Variants in CALCRL observed in about 807,000 individuals in gnomAD.
CALCRL encodes calcitonin receptor like receptor.
CALCRL carries 27 observed loss-of-function variants against 60.4 expected under a neutral mutation model. That is an observed-to-expected ratio of 0.45 (90% CI 0.33 to 0.62). CALCRL has a LOEUF of 0.62. Among genes scored for constraint, CALCRL ranks in the 20% least tolerant of loss-of-function variants. The probability of loss-of-function intolerance (pLI) is 0.03; values close to 1 mark genes in which losing one functional copy is unlikely to be tolerated. For missense variants in CALCRL, 424 were observed against 540.7 expected (o/e 0.78, Z 2.14); for synonymous variants, 190 against 182.6 (o/e 1.04, Z -0.33).
At chr2:187,360,842 T>C (rs1574222338) in intron 9 of CALCRL, 91 bp from the exon 10 acceptor site, 1 of 1,180,302 alleles carries the variant, frequency 8.5e-7, no homozygotes, top group East Asian at 2.5e-5. Context: ...CATGGAACAT[T>C]CTCCCCTACA....
chr2:187,353,502 G>A (rs1379697283), intron 12 of CALCRL, among the ~76,000 whole-genome samples: 3 of 151,872 alleles, frequency 2.0e-5, no homozygotes, highest in Non-Finnish European at 2.9e-5. Context: ...AAATAACTGG[G>A]CACAAAAATA....
At chr2:187,355,059 T>A (rs552575445) in intron 12 of CALCRL, among the ~76,000 whole-genome samples, 4 of 152,220 alleles carry the variant, frequency 2.6e-5, no homozygotes, top group East Asian at 3.9e-4. Flanking sequence ...AGGCATTTTT[T>A]CAAGAATTTA....
At chr2:187,363,327 C>G (rs748453643) in intron 9 of CALCRL, 49 bp downstream of exon 9, 164 of 1,560,428 alleles carry the variant, frequency 1.1e-4, no homozygotes, top group Non-Finnish European at 1.3e-4. Flanking sequence ...CCATGTTCCC[C>G]CTTTCCCATT....
intron 1 of CALCRL, among the ~76,000 whole-genome samples, chr2:187,423,435 G>A (rs1399812131): frequency 2.6e-5 from 4 of 151,388 alleles, no homozygotes; most frequent in African/African-American, 7.3e-5. Flanking sequence ...TGTAGAATCT[G>A]AGATGTTATA....
chr2:187,416,182 T>C (rs904998198), intron 1 of CALCRL, among the ~76,000 whole-genome samples: 1 of 152,234 alleles, frequency 6.6e-6, no homozygotes, highest in East Asian at 1.9e-4. Flanking sequence ...AATCTATAGA[T>C]AAATCAAAAC....
rs962682962 is a variant in CALCRL, at chr2:187,383,169, T to C, written c.184+4A>G. On this transcript the variant is annotated splice_donor_region_variant and intron_variant, in intron 5 of 14. Coordinates refer to ENST00000392370, the MANE Select transcript of CALCRL (RefSeq NM_005795.6). ...TGCATTTACAACTAAGTAGCCATGCTTACCTTCTGCTTGTTGAATGGGGTC... is the reference window on the plus strand; with the variant it reads ...TGCATTTACAACTAAGTAGCCATGCCTACCTTCTGCTTGTTGAATGGGGTC... 1.2e-6 allele frequency: 2 copies of C among 1,608,390 alleles called. No individual in the cohort carries two copies. Among genetic ancestry groups the C allele is most frequent in the Non-Finnish European group, 1.7e-6 (2 of 1,178,952 alleles).
At chr2:187,440,771 C>T (rs949345479) in intron 1 of CALCRL, among the ~76,000 whole-genome samples, 1 of 151,978 alleles carries the variant, frequency 6.6e-6, no homozygotes, top group Admixed American at 6.6e-5. Context: ...TAAATATAAA[C>T]ATATATTAAT....
At chr2:187,443,434 T>C (rs924064624) in intron 1 of CALCRL, among the ~76,000 whole-genome samples, 13 of 151,790 alleles carry the variant, frequency 8.6e-5, no homozygotes, top group South Asian at 4.1e-4. Flanking sequence ...TTCCACTTTA[T>C]GGATGAGAAA....
In CALCRL at chr2:187,380,557, G is replaced by A. The variant is rs1687942353; in HGVS notation, c.318C>T (p.Asp106=). The A allele has an allele frequency of 6.8e-6, 11 of 1,612,276 alleles. No homozygotes were observed. Among genetic ancestry groups the A allele is most frequent in the Non-Finnish European group, 9.3e-6 (11 of 1,178,848 alleles). The change falls in exon 7 of 15, where the codon GAC becomes GAT. Residue 106 remains aspartate, a synonymous_variant. Transcript: ENST00000392370. The part of the protein sequence containing the change: ...DPSEKVTKIC[D]QDGNWFRHPA... ...GATGTCTAAACCAGTTTCCATCTTG[G>A]TCACAGATCTTTGTAACTTTTTCTT...
intron 8 of CALCRL, among the ~76,000 whole-genome samples, chr2:187,377,353 A>G (rs1315007856): frequency 2.6e-5 from 4 of 152,124 alleles, no homozygotes; most frequent in Admixed American, 6.6e-5. Context: ...TTCACAGGTT[A>G]TAAGGAAAGA....
At chr2:187,352,590 T>C (rs948632098) in intron 12 of CALCRL, among the ~76,000 whole-genome samples, 1 of 151,868 alleles carries the variant, frequency 6.6e-6, no homozygotes, top group African/African-American at 2.4e-5. Flanking sequence ...ACATATTCAG[T>C]TGAAGAATAT....
rs1228255968 is a variant in CALCRL, at chr2:187,343,386, C to T, written c.*2798G>A. 1 of 151,668 alleles carries T rather than the reference C, an allele frequency of 6.6e-6. No individual in the cohort carries two copies. The highest frequency in any genetic ancestry group is 1.5e-5 in the Non-Finnish European group (1 of 67,532). 9.4% of individuals were successfully genotyped at this position (151,668 alleles called of 1,614,324 possible). A position where few individuals can be genotyped will look rare whatever the true frequency, so the allele number is the denominator to read the frequency against. On this transcript the variant is annotated 3_prime_UTR_variant, in exon 15 of 15. Coordinates refer to ENST00000392370, the MANE Select transcript of CALCRL (RefSeq NM_005795.6). Reference sequence around the variant, plus strand: ...AAATTGTTATAATTGATCAGAATATCTTGAATATATTTTTACAGATAACTA... The same window carrying T: ...AAATTGTTATAATTGATCAGAATATTTTGAATATATTTTTACAGATAACTA...
intron 8 of CALCRL, among the ~76,000 whole-genome samples, chr2:187,375,596 C>T (rs1687723993): frequency 6.6e-6 from 1 of 152,162 alleles, no homozygotes; most frequent in South Asian, 2.1e-4. Context: ...GTATTTATTG[C>T]ACATAGTAAT....
chr2:187,347,626 A>AACAC (rs377039086), intron 14 of CALCRL, among the ~76,000 whole-genome samples: 239 of 150,564 alleles, frequency 1.6e-3, no homozygotes, highest in Middle Eastern at 6.9e-3. Context: ...AATGGATTAA[A>AACAC]ACACACACAC....
chr2:187,402,732 T>C lies in CALCRL; in HGVS notation c.-292-14976A>G, dbSNP rs74519807. 3.6e-3 allele frequency among the ~76,000 whole-genome samples: 543 copies of C among 151,914 alleles called. 5 individuals carry two copies. The highest frequency in any genetic ancestry group is 0.013 in the African/African-American group (522 of 41,520). On this transcript the variant is annotated intron_variant, in intron 1 of 14. Coordinates refer to ENST00000392370, the MANE Select transcript of CALCRL (RefSeq NM_005795.6). ...GTCCAGTGAATCAGAAAGAGTCTCC[T>C]GAGTCATTAACGATGTCTGCCATGG... is the stretch of plus-strand genomic sequence containing the variant.
intron 10 of CALCRL, among the ~76,000 whole-genome samples, chr2:187,359,709 A>C (rs1686964213): frequency 6.6e-6 from 1 of 152,112 alleles, no homozygotes; most frequent in Non-Finnish European, 1.5e-5. Context: ...GTAAGCCATT[A>C]TTTGAAGAAG....
intron 1 of CALCRL, among the ~76,000 whole-genome samples, chr2:187,438,785 T>C (rs1246265638): frequency 6.6e-6 from 1 of 152,220 alleles, no homozygotes; most frequent in Admixed American, 6.5e-5. Flanking sequence ...TAGTAAAATC[T>C]GAACACTAAG....
intron 1 of CALCRL, among the ~76,000 whole-genome samples, chr2:187,441,363 G>A (rs377337215): frequency 3.3e-5 from 5 of 152,096 alleles, no homozygotes; most frequent in East Asian, 3.9e-4. Flanking sequence ...AAACACTCTA[G>A]TTAAGATATT....
At chr2:187,372,277 G>A (rs370216803) in intron 8 of CALCRL, among the ~76,000 whole-genome samples, 1 of 151,336 alleles carries the variant, frequency 6.6e-6, no homozygotes, top group East Asian at 1.9e-4. Context: ...GATTTTAAAC[G>A]GTAATTAAAA....
Sources: allele counts gnomAD v4.1 joint callset (sites outside exome capture counted in the v4.1 genomes callset), GRCh38; gene constraint gnomAD v4.1.1; transcripts MANE v1.5; gene names NCBI Gene and HGNC (gene_info 2026-07-23, HGNC 2026-07-21).